The following CNTN4 variants were observed in gnomAD, a reference collection of about 807,000 sequenced individuals.
CNTN4 encodes the protein contactin 4, also known as contactin-4.
CNTN4 carries 77 observed loss-of-function variants against 122.5 expected under a neutral mutation model. The ratio of observed to expected loss-of-function variants is 0.63; its 90% confidence interval spans 0.52 to 0.76. The LOEUF (loss-of-function observed/expected upper bound fraction) is 0.76. Among genes scored for constraint, CNTN4 ranks in the 30% least tolerant of loss-of-function variants. CNTN4 has a pLI of 0.00. For missense variants in CNTN4, 1,256 were observed against 1,259.1 expected, an observed-to-expected ratio of 1.00 and a Z score of 0.04; for synonymous variants, 512 against 447.0, an observed-to-expected ratio of 1.15 and a Z score of -1.83.
At chr3:2,646,297 A>G (rs757959136) in intron 4 of CNTN4, among the ~76,000 whole-genome samples, 4 of 152,178 alleles carry the variant, frequency 2.6e-5, no homozygotes, top group Non-Finnish European at 4.4e-5. Context: ...ACTTCATAGT[A>G]TTTTTATTAA....
chr3:2,551,970 G>A (rs1349918765), intron 3 of CNTN4, among the ~76,000 whole-genome samples: 3 of 152,084 alleles, frequency 2.0e-5, no homozygotes, highest in African/African-American at 7.2e-5. Context: ...CTTGCTACCT[G>A]ACCGTTACTT....
At chr3:2,171,390 G>T (rs1392050802) in intron 2 of CNTN4, among the ~76,000 whole-genome samples, 1 of 152,128 alleles carries the variant, frequency 6.6e-6, no homozygotes, top group Non-Finnish European at 1.5e-5. Flanking sequence ...TTGCATTTTT[G>T]TCTGTCTTTT....
At chr3:3,034,862 C>T (rs897854548) in intron 17 of CNTN4, 72 bp downstream of exon 17, 54 of 1,494,216 alleles carry the variant, frequency 3.6e-5, no homozygotes, top group African/African-American at 3.5e-4. Flanking sequence ...TGGCAAGGAA[C>T]GTCTAAGTTC....
intron 4 of CNTN4, among the ~76,000 whole-genome samples, chr3:2,579,208 T>C (rs1207156169): frequency 1.3e-5 from 2 of 152,180 alleles, no homozygotes; most frequent in Admixed American, 6.5e-5. Flanking sequence ...CTAGGGCGTA[T>C]TGTATCTAGA....
chr3:3,010,547 C>T (rs774772137), intron 14 of CNTN4, among the ~76,000 whole-genome samples: 11 of 151,246 alleles, frequency 7.3e-5, no homozygotes, highest in South Asian at 2.1e-4. Flanking sequence ...ATCATTGTGA[C>T]GAAGAAATGG....
chr3:2,814,144 G>A (rs894703735), intron 6 of CNTN4, among the ~76,000 whole-genome samples: 5 of 152,184 alleles, frequency 3.3e-5, no homozygotes, highest in African/African-American at 1.2e-4. Flanking sequence ...GCACATGGCT[G>A]TTGGAAAAAG....
rs571132355 is a variant in CNTN4, at chr3:3,015,795, C to G, written c.1487-10307C>G. On this transcript the variant is annotated intron_variant, in intron 14 of 24. Coordinates refer to ENST00000418658, the MANE Select transcript of CNTN4 (RefSeq NM_175607.3). ...TGTCTTTGGAATTCATTGTCCTTGC[C>G]TCAAGGTGTACATTTCCTTTCTTTT... is the stretch of plus-strand genomic sequence containing the variant. Among the ~76,000 whole-genome samples, 429 of 152,294 alleles carry G rather than the reference C, an allele frequency of 2.8e-3. 4 individuals are homozygous for G. The highest frequency in any genetic ancestry group is 6.8e-3 in the Middle Eastern group (2 of 294).
intron 2 of CNTN4, among the ~76,000 whole-genome samples, chr3:2,126,941 G>T (rs953622438): frequency 6.6e-6 from 1 of 152,178 alleles, no homozygotes; most frequent in Non-Finnish European, 1.5e-5. Flanking sequence ...TAGATGGAGG[G>T]TGGTTCGAAA....
intron 2 of CNTN4, among the ~76,000 whole-genome samples, chr3:2,297,472 T>A (rs2042355632): frequency 6.6e-6 from 1 of 152,172 alleles, no homozygotes; most frequent in East Asian, 1.9e-4. Flanking sequence ...ATAAATCAGA[T>A]TCCATCTCCT....
At chr3:2,191,736 A>G (rs1421225064) in intron 2 of CNTN4, among the ~76,000 whole-genome samples, 1 of 151,994 alleles carries the variant, frequency 6.6e-6, no homozygotes. Context: ...ACACACACAT[A>G]TATATTTATT....
chr3:2,221,004 G>A (rs1374841127), intron 2 of CNTN4, among the ~76,000 whole-genome samples: 2 of 151,970 alleles, frequency 1.3e-5, no homozygotes, highest in Admixed American at 6.6e-5. Flanking sequence ...TGTAAGATTC[G>A]GACTGGGGCC....
Position 2,626,504 on chromosome 3 carries a change from A to AC in CNTN4, c.55+54946_55+54947insC, listed in dbSNP as rs202184035. Among the ~76,000 whole-genome samples, 16 of 151,624 alleles carry AC rather than the reference A, an allele frequency of 1.1e-4. No individual in the cohort carries two copies. The East Asian group carries it at 3.1e-3, about 29-fold the overall frequency. ...AGAGCAAGACTCTATCTCAAAAAAAAAACAACAAAAAACAAACAAAATCCA... is the reference window on the plus strand; with the variant it reads ...AGAGCAAGACTCTATCTCAAAAAAAACAACAACAAAAAACAAACAAAATCCA... On this transcript the variant is annotated intron_variant, in intron 4 of 24. Coordinates refer to ENST00000418658, the MANE Select transcript of CNTN4 (RefSeq NM_175607.3).
At position 2,265,762 on chromosome 3, in the gene CNTN4, A is replaced by T. The variant is rs529443931; in HGVS notation, c.-144-73416A>T. Among the ~76,000 whole-genome samples, 178 of 102,790 alleles carry T rather than the reference A, an allele frequency of 1.7e-3. No homozygotes were observed. In the East Asian group the frequency reaches 0.019, roughly 11 times the overall value. 67.4% of individuals were successfully genotyped at this position (102,790 alleles called of 152,430 possible). The stretch of plus-strand genomic sequence containing the variant: ...TCCTTCATCAGTGTTTTATATATAT[A>T]TATTTTTTTTTGTGGAGATCTTCCA... On this transcript the variant is annotated intron_variant, in intron 2 of 24. Coordinates refer to ENST00000418658, the MANE Select transcript of CNTN4 (RefSeq NM_175607.3).
intron 13 of CNTN4, among the ~76,000 whole-genome samples, chr3:2,970,883 G>T (rs1019615357): frequency 3.9e-5 from 6 of 152,102 alleles, no homozygotes; most frequent in African/African-American, 1.4e-4. Context: ...CGCCTCCTGG[G>T]TTCAAGTGAT....
chr3:2,799,504 C>A (rs1262515603), intron 6 of CNTN4, among the ~76,000 whole-genome samples: 2 of 151,964 alleles, frequency 1.3e-5, no homozygotes, highest in African/African-American at 4.8e-5. Flanking sequence ...ACTCTGTCAC[C>A]CAGGCTGGAG....
intron 6 of CNTN4, among the ~76,000 whole-genome samples, chr3:2,772,441 A>AAGATCAT (rs1188995094): frequency 6.6e-6 from 1 of 152,058 alleles, no homozygotes; most frequent in Non-Finnish European, 1.5e-5. Flanking sequence ...AAAGAAAAAA[A>AAGATCAT]AGATCATAGA....
chr3:2,569,244 T>A (rs1218013905), intron 3 of CNTN4, among the ~76,000 whole-genome samples: 1 of 152,210 alleles, frequency 6.6e-6, no homozygotes, highest in East Asian at 1.9e-4. Flanking sequence ...TAATGATGCT[T>A]GTTCATTTTC....
intron 13 of CNTN4, among the ~76,000 whole-genome samples, chr3:2,968,487 T>G (rs1170859906): frequency 6.6e-6 from 1 of 152,220 alleles, no homozygotes; most frequent in Non-Finnish European, 1.5e-5. Context: ...GTTCCTCTTG[T>G]TAAGTAACTT....
chr3:2,425,361 G>A (rs2047783603), intron 3 of CNTN4, among the ~76,000 whole-genome samples: 1 of 152,114 alleles, frequency 6.6e-6, no homozygotes, highest in Non-Finnish European at 1.5e-5. Context: ...TGTCAGGTTT[G>A]TCAAAGATCA....
Sources: gnomAD v4.1 joint callset for allele counts (sites outside exome capture counted in the v4.1 genomes callset) on GRCh38, gnomAD v4.1.1 for gene constraint, MANE v1.5 for transcripts, NCBI Gene and HGNC (gene_info 2026-07-23, HGNC 2026-07-21) for gene names.